The following DLG2 variants were observed in gnomAD, a reference collection of about 807,000 sequenced individuals.
DLG2 encodes the protein discs large MAGUK scaffold protein 2, also known as disks large homolog 2.
Under a neutral mutation model 132.5 loss-of-function variants are expected in DLG2, and 45 were observed. That is an observed-to-expected ratio of 0.34 (90% CI 0.27 to 0.44). DLG2 has a LOEUF of 0.44. DLG2 is among the 20% of genes least tolerant of loss of function. The pLI is 1.00. For synonymous variants in DLG2, 424 were observed against 419.6 expected (o/e 1.01, Z -0.13); for missense variants, 1,045 against 1,196.9 (o/e 0.87, Z 1.87).
At chr11:85,512,279 C>G (rs767673413) in intron 3 of DLG2, among the ~76,000 whole-genome samples, 2 of 152,094 alleles carry the variant, frequency 1.3e-5, no homozygotes, top group Non-Finnish European at 2.9e-5. Context: ...CTAAGGGGTT[C>G]TCATCATTCC....
intron 7 of DLG2, among the ~76,000 whole-genome samples, chr11:84,514,819 A>G (rs1415298070): frequency 6.6e-6 from 1 of 151,988 alleles, no homozygotes; most frequent in East Asian, 1.9e-4. Flanking sequence ...AAAGAGCTTA[A>G]CTGTTTGTAA....
At chr11:83,895,734 A>G (rs1232123006) in intron 15 of DLG2, among the ~76,000 whole-genome samples, 1 of 152,198 alleles carries the variant, frequency 6.6e-6, no homozygotes, top group East Asian at 1.9e-4. Flanking sequence ...CAGGAAAAGA[A>G]TTTGCAAGCT....
At chr11:85,177,913 A>C (rs1489591409) in intron 4 of DLG2, among the ~76,000 whole-genome samples, 1 of 152,114 alleles carries the variant, frequency 6.6e-6, no homozygotes, top group East Asian at 1.9e-4. Context: ...AGGAAATAGC[A>C]GAAAAAAAAT....
At chr11:84,566,414 A>G (rs2099455930) in intron 6 of DLG2, among the ~76,000 whole-genome samples, 1 of 152,180 alleles carries the variant, frequency 6.6e-6, no homozygotes, top group South Asian at 2.1e-4. Context: ...AAATCAGGGT[A>G]AAAAAAGTTT....
chr11:84,038,361 T>C (rs1044694178), intron 11 of DLG2, among the ~76,000 whole-genome samples: 1 of 151,878 alleles, frequency 6.6e-6, no homozygotes, highest in Non-Finnish European at 1.5e-5. Flanking sequence ...TTCTCAAAAT[T>C]AGACATACAT....
intron 3 of DLG2, among the ~76,000 whole-genome samples, chr11:85,458,952 C>G (rs996121579): frequency 6.6e-6 from 1 of 152,144 alleles, no homozygotes; most frequent in Non-Finnish European, 1.5e-5. Flanking sequence ...TCTTGGGGTT[C>G]CAACCCAGAG....
chr11:85,208,787 A>G (rs2082063499), intron 4 of DLG2, among the ~76,000 whole-genome samples: 1 of 152,114 alleles, frequency 6.6e-6, no homozygotes, highest in African/African-American at 2.4e-5. Context: ...TAAGAGGTGA[A>G]CCACAAAATC....
chr11:85,343,222 C>A (rs1034779387), intron 3 of DLG2, among the ~76,000 whole-genome samples: 2 of 152,210 alleles, frequency 1.3e-5, no homozygotes, highest in Non-Finnish European at 2.9e-5. Flanking sequence ...TAACCCAACA[C>A]AATTCCATTA....
intron 21 of DLG2, among the ~76,000 whole-genome samples, chr11:83,524,480 A>G (rs766384753): frequency 2.8e-4 from 42 of 151,764 alleles, no homozygotes; most frequent in Middle Eastern, 6.8e-3. Context: ...CAGCTACTCT[A>G]TGGTCCTGGG....
At chr11:84,934,504 G>GTT (rs113436905) in intron 6 of DLG2, among the ~76,000 whole-genome samples, 652 of 33,462 alleles carry the variant, frequency 0.019, 95 homozygotes, top group Middle Eastern at 0.04. Flanking sequence ...GGTCCTGGGT[G>GTT]TTTTTTTTTT....
chr11:84,851,366 T>C (rs894940751), intron 6 of DLG2, among the ~76,000 whole-genome samples: 3 of 152,120 alleles, frequency 2.0e-5, no homozygotes, highest in Non-Finnish European at 1.5e-5. Context: ...TATGAGTATA[T>C]GACCTGTAAT....
At chr11:84,710,423 T>G (rs569853660) in intron 6 of DLG2, among the ~76,000 whole-genome samples, 21 of 152,126 alleles carry the variant, frequency 1.4e-4, no homozygotes, top group Middle Eastern at 3.4e-3. Flanking sequence ...CAAACCATAA[T>G]GAGGATACTT....
At chr11:84,695,378 G>A (rs1348993306) in intron 6 of DLG2, among the ~76,000 whole-genome samples, 1 of 151,540 alleles carries the variant, frequency 6.6e-6, no homozygotes, top group Non-Finnish European at 1.5e-5. Context: ...AACATTGGAA[G>A]CACCTCTGAA....
chr11:84,333,022 T>C (rs2154402222), intron 7 of DLG2, among the ~76,000 whole-genome samples: 1 of 152,352 alleles, frequency 6.6e-6, no homozygotes, highest in East Asian at 1.9e-4. Flanking sequence ...CACCTGGATG[T>C]CATTTATACC....
chr11:84,033,566 A>C (rs2095771681), intron 11 of DLG2, among the ~76,000 whole-genome samples: 1 of 152,230 alleles, frequency 6.6e-6, no homozygotes, highest in Admixed American at 6.5e-5. Flanking sequence ...AAGGATTTAG[A>C]ATATTGCCTA....
At chr11:83,790,454 C>G (rs750169165) in intron 17 of DLG2, 2 of 1,169,060 alleles carry the variant, frequency 1.7e-6, no homozygotes, top group Non-Finnish European at 2.5e-6. Flanking sequence ...ATCTTTTTAG[C>G]TCCTCTGTAA....
chr11:85,375,915 A>T lies in DLG2; in HGVS notation c.41-90550T>A, dbSNP rs2085367432. 5.9e-5 allele frequency among the ~76,000 whole-genome samples: 9 copies of T among 152,344 alleles called. No individual in the cohort carries two copies. The South Asian group carries it at 1.9e-3, about 32-fold the overall frequency. On this transcript the variant is annotated intron_variant, in intron 3 of 27. Coordinates refer to ENST00000376104, the MANE Select transcript of DLG2 (RefSeq NM_001142699.3). Reference sequence around the variant, plus strand: ...AGATAAGATATTTAGAGATACAGAGAGAAGTCTAAGTAAACACAGGATGCC... The same window carrying T: ...AGATAAGATATTTAGAGATACAGAGTGAAGTCTAAGTAAACACAGGATGCC...
chr11:84,339,935 G>A (rs549324528), intron 7 of DLG2, among the ~76,000 whole-genome samples: 1 of 152,154 alleles, frequency 6.6e-6, no homozygotes, highest in African/African-American at 2.4e-5. Flanking sequence ...AAATCTCCTG[G>A]CCATACGTCC....
intron 4 of DLG2, among the ~76,000 whole-genome samples, chr11:85,234,661 G>C (rs886794702): frequency 6.6e-6 from 1 of 151,960 alleles, no homozygotes. Context: ...TATGTACTAA[G>C]TGATGATCTC....
Sources: allele counts gnomAD v4.1 joint callset (sites outside exome capture counted in the v4.1 genomes callset), GRCh38; gene constraint gnomAD v4.1.1; transcripts MANE v1.5; gene names NCBI Gene and HGNC (gene_info 2026-07-23, HGNC 2026-07-21).